SIPA1L3: variants seen among roughly 807,000 people sequenced by gnomAD.
SIPA1L3 encodes signal-induced proliferation-associated 1-like protein 3.
SIPA1L3 carries 59 observed loss-of-function variants against 150.1 expected under a neutral mutation model. The observed-to-expected ratio is 0.39, with a 90% CI of 0.32 to 0.49. The LOEUF is 0.49. Ranked by LOEUF, SIPA1L3 falls within the 20% of genes least tolerant of loss-of-function variation. The pLI, the probability that SIPA1L3 is intolerant of heterozygous loss-of-function variation, is 0.86. For synonymous variants in SIPA1L3, 1,070 were observed against 1,077.6 expected, an observed-to-expected ratio of 0.99 and a Z score of 0.14; for missense variants, 2,211 against 2,489.5, an observed-to-expected ratio of 0.89 and a Z score of 2.38.
intron 1 of SIPA1L3, among the ~76,000 whole-genome samples, chr19:37,922,042 G>C (rs1273406549): frequency 6.6e-6 from 1 of 152,146 alleles, no homozygotes; most frequent in African/African-American, 2.4e-5. Flanking sequence ...TGGACTGCAC[G>C]TTGGATCTGA....
chr19:38,029,829 C>T (rs1419499539), intron 2 of SIPA1L3, among the ~76,000 whole-genome samples: 1 of 149,432 alleles, frequency 6.7e-6, no homozygotes, highest in African/African-American at 2.5e-5. Flanking sequence ...GAACTCCCGA[C>T]CTCAGGTGAA....
chr19:38,064,911 C>G (rs1222921502), intron 2 of SIPA1L3, among the ~76,000 whole-genome samples: 1 of 152,138 alleles, frequency 6.6e-6, no homozygotes, highest in Non-Finnish European at 1.5e-5. Flanking sequence ...GGGAATTGAA[C>G]CAAGATAGAC....
In SIPA1L3 at chr19:38,150,968, A is replaced by G. The variant is rs141327100; in HGVS notation, c.3534-1872A>G. ...TGTAGGAATTTGTTATCTCACAGAA[A>G]AGGAAGCTCAGGAGCAGGGCAGGTT... On this transcript the variant is annotated intron_variant, in intron 12 of 21. Coordinates refer to ENST00000222345, the MANE Select transcript of SIPA1L3 (RefSeq NM_015073.3). Among the ~76,000 whole-genome samples, 47 of 152,294 alleles carry G rather than the reference A, an allele frequency of 3.1e-4. No homozygotes were observed. In the East Asian group the frequency reaches 5.6e-3, roughly 18 times the overall value.
At chr19:37,998,150 T>C (rs1967690675) in intron 1 of SIPA1L3, among the ~76,000 whole-genome samples, 1 of 152,212 alleles carries the variant, frequency 6.6e-6, no homozygotes, top group African/African-American at 2.4e-5. Flanking sequence ...GTAAATATTC[T>C]TTTGATGAGT....
chr19:38,109,791 G>T, intron 7 of SIPA1L3: 1 of 163,756 alleles, frequency 6.1e-6, no homozygotes, highest in Admixed American at 5.7e-5. Context: ...AATGAAGTGG[G>T]GAAAGCCATC....
At chr19:38,035,809 C>G (rs1968768603) in intron 2 of SIPA1L3, among the ~76,000 whole-genome samples, 1 of 152,110 alleles carries the variant, frequency 6.6e-6, no homozygotes, top group Admixed American at 6.6e-5. Flanking sequence ...AGCTTGCATT[C>G]ATTAGCCCTT....
Position 38,082,255 on chromosome 19 carries a change from C to G in SIPA1L3, c.690C>G (p.Pro230=). The G allele has an allele frequency of 6.2e-7, 1 of 1,600,732 alleles. No individual in the cohort carries two copies. Among genetic ancestry groups the G allele is most frequent in the Non-Finnish European group, 8.5e-7 (1 of 1,179,710 alleles). ...TGAACGAGTTCCGCAGCGAGCAGCC[C>G]GACGCCCGAGGGTGCCAGGCCCTCA... ...DILNEFRSEQ[P]DARGCQALTE... Residue 230 remains proline, a synonymous_variant, in exon 3 of 22, where the codon CCC becomes CCG. Coordinates refer to ENST00000222345, the MANE Select transcript of SIPA1L3 (RefSeq NM_015073.3).
At chr19:38,178,926 TGATA>T (rs1318147152) in intron 15 of SIPA1L3, among the ~76,000 whole-genome samples, 4 of 152,198 alleles carry the variant, frequency 2.6e-5, no homozygotes, top group Admixed American at 2.0e-4. Context: ...TTTGCTCCAT[TGATA>T]GATGTTGCTA....
chr19:37,981,479 T>C (rs1967200330), intron 1 of SIPA1L3, among the ~76,000 whole-genome samples: 1 of 152,078 alleles, frequency 6.6e-6, no homozygotes, highest in Non-Finnish European at 1.5e-5. Context: ...ATACCTGCTC[T>C]GCCACTTCTT....
At chr19:38,169,556 C>T (rs1176868981) in intron 15 of SIPA1L3, among the ~76,000 whole-genome samples, 1 of 152,178 alleles carries the variant, frequency 6.6e-6, no homozygotes, top group African/African-American at 2.4e-5. Flanking sequence ...CACATACCTA[C>T]ATCATAGGGA....
chr19:38,017,690 A>AT (rs952405752), intron 1 of SIPA1L3, among the ~76,000 whole-genome samples: 10 of 151,570 alleles, frequency 6.6e-5, no homozygotes, highest in Admixed American at 3.9e-4. Flanking sequence ...TGCCTGGCTG[A>AT]TTTTTTTTAT....
At chr19:37,952,005 C>A (rs1288199657) in intron 1 of SIPA1L3, among the ~76,000 whole-genome samples, 1 of 150,626 alleles carries the variant, frequency 6.6e-6, no homozygotes, top group Non-Finnish European at 1.5e-5. Context: ...CATTCCTTAT[C>A]TTCCTGCCAT....
At chr19:38,023,889 G>A (rs1169670544) in intron 1 of SIPA1L3, among the ~76,000 whole-genome samples, 1 of 152,182 alleles carries the variant, frequency 6.6e-6, no homozygotes. Context: ...TGCCGTCTTG[G>A]GACACAGAGA....
chr19:38,035,540 C>T (rs1462796110), intron 2 of SIPA1L3, among the ~76,000 whole-genome samples: 1 of 152,136 alleles, frequency 6.6e-6, no homozygotes, highest in African/African-American at 2.4e-5. Context: ...GCACAGCTTT[C>T]CGGAATCCAG....
rs10405667 is a variant in SIPA1L3, at chr19:38,082,509, G to C, written c.944G>C (p.Gly315Ala). 224,004 of 1,594,996 alleles carry C rather than the reference G, an allele frequency of 0.14. 16,340 individuals carry two copies. Among genetic ancestry groups the C allele is most frequent in the African/African-American group, 0.22 (16,487 of 74,672 alleles). ...AGCAGCAAACCCGAGGGGGAGGCTG[G>C]GCGTTCCCCGGGGGAGGCCGACGAG... ...LRSSKPEGEAGRSPGEADEGR... is the reference protein window; with the variant it reads ...LRSSKPEGEAARSPGEADEGR... The change falls in exon 3 of 22, where the codon GGG becomes GCG. Residue 315 changes from glycine (G) to alanine (A), a missense_variant. By Grantham distance (60) the Gly-to-Ala change is moderately conservative. Transcript: ENST00000222345.
chr19:38,114,664 A>G (rs1343664726), intron 8 of SIPA1L3, among the ~76,000 whole-genome samples: 1 of 152,198 alleles, frequency 6.6e-6, no homozygotes, highest in Non-Finnish European at 1.5e-5. Context: ...TATGCCCACC[A>G]TACCTTGGTA....
At chr19:38,043,400 GAA>G (rs1968971101) in intron 2 of SIPA1L3, among the ~76,000 whole-genome samples, 7 of 152,056 alleles carry the variant, frequency 4.6e-5, no homozygotes, top group African/African-American at 1.4e-4. Context: ...AAAAGCGAGA[GAA>G]AGAAAGAAAA....
intron 1 of SIPA1L3, among the ~76,000 whole-genome samples, chr19:37,918,020 C>A (rs1343644740): frequency 1.3e-5 from 2 of 151,634 alleles, no homozygotes; most frequent in African/African-American, 4.8e-5. Flanking sequence ...AAAAAGAAGT[C>A]CCAGTTTGTC....
chr19:37,913,373 A>T (rs1295714797), intron 1 of SIPA1L3, among the ~76,000 whole-genome samples: 1 of 152,104 alleles, frequency 6.6e-6, no homozygotes, highest in Non-Finnish European at 1.5e-5. Context: ...CATTCTAGCC[A>T]TTCTAGCCCG....
Sources: allele counts gnomAD v4.1 joint callset (sites outside exome capture counted in the v4.1 genomes callset), GRCh38; gene constraint gnomAD v4.1.1; transcripts MANE v1.5; gene names NCBI Gene and HGNC (gene_info 2026-07-23, HGNC 2026-07-21).